Variants in DACH2 observed in about 807,000 individuals in gnomAD.
The protein encoded by DACH2 is dachshund family transcription factor 2.
DACH2 carries 17 observed loss-of-function variants against 35.8 expected under a neutral mutation model. The ratio of observed to expected loss-of-function variants is 0.48; its 90% CI spans 0.33 to 0.71. DACH2 has a LOEUF of 0.71. Among genes scored for constraint, DACH2 ranks in the 30% least tolerant of loss-of-function variants. The pLI is 0.02. For synonymous variants in DACH2, 195 were observed against 177.3 expected (o/e 1.10, Z -0.79); for missense variants, 469 against 472.7 (o/e 0.99, Z 0.07).
chrX:86,354,856 A>T (rs1344596382), intron 1 of DACH2, among the ~76,000 whole-genome samples: 2 of 14,216 alleles, frequency 1.4e-4, no homozygotes, highest in Non-Finnish European at 2.4e-4. Context: ...ATGAAAAAAA[A>T]AAACAAAACA....
At chrX:86,199,247 G>A (rs78544997) in intron 1 of DACH2, among the ~76,000 whole-genome samples, 1 of 111,292 alleles carries the variant, frequency 9.0e-6, no homozygotes, top group Non-Finnish European at 1.9e-5. Context: ...AAAAAACTAG[G>A]TATTGAAGGA....
chrX:86,739,511 A>T (rs1049686387), intron 6 of DACH2, among the ~76,000 whole-genome samples: 23 of 111,793 alleles, frequency 2.1e-4, no homozygotes, highest in Non-Finnish European at 4.1e-4. Flanking sequence ...ACTTTTCTTG[A>T]CCCTTTACTA....
chrX:86,480,090 G>C (rs969198543), intron 2 of DACH2, among the ~76,000 whole-genome samples: 4 of 111,939 alleles, frequency 3.6e-5, no homozygotes, highest in African/African-American at 1.3e-4. Context: ...GGTCTTCATA[G>C]TCTGGGCTTG....
intron 7 of DACH2, among the ~76,000 whole-genome samples, chrX:86,777,693 A>G (rs1297644069): frequency 1.8e-5 from 2 of 111,579 alleles, no homozygotes; most frequent in East Asian, 5.6e-4. Context: ...CTCTCTAAAT[A>G]AAAATGTTAT....
chrX:86,761,723 T>A (rs1329296226), intron 7 of DACH2, among the ~76,000 whole-genome samples: 1 of 110,551 alleles, frequency 9.0e-6, no homozygotes. Flanking sequence ...TGGCTTGGGG[T>A]GTGGTTGTTA....
chrX:86,349,948 T>C (rs955451759), intron 1 of DACH2, among the ~76,000 whole-genome samples: 32 of 111,765 alleles, frequency 2.9e-4, no homozygotes, highest in Non-Finnish European at 5.6e-4. Context: ...GGCTGATCAC[T>C]TGAGGTCAGG....
At chrX:86,249,843 C>G (rs959727486) in intron 1 of DACH2, among the ~76,000 whole-genome samples, 1 of 111,681 alleles carries the variant, frequency 9.0e-6, no homozygotes, top group African/African-American at 3.2e-5. Flanking sequence ...AAATATGATA[C>G]ATATACACCA....
intron 1 of DACH2, among the ~76,000 whole-genome samples, chrX:86,215,795 C>T (rs2032557492): frequency 8.9e-6 from 1 of 111,812 alleles, no homozygotes; most frequent in Non-Finnish European, 1.9e-5. Flanking sequence ...TACAGAATTA[C>T]CCAAATTTCT....
intron 11 of DACH2, chrX:86,830,328 C>T (rs1430922373): frequency 8.9e-6 from 1 of 111,896 alleles, no homozygotes; most frequent in African/African-American, 3.2e-5. Flanking sequence ...ATACAACATG[C>T]TACACAGGGG....
chrX:86,464,551 G>A (rs896844895), intron 2 of DACH2, among the ~76,000 whole-genome samples: 6 of 111,082 alleles, frequency 5.4e-5, no homozygotes, highest in Admixed American at 4.8e-4. Flanking sequence ...AAAAGCATTA[G>A]TACAAATACC....
At chrX:86,347,904 A>C (rs1326968561) in intron 1 of DACH2, among the ~76,000 whole-genome samples, 1 of 111,872 alleles carries the variant, frequency 8.9e-6, no homozygotes. Flanking sequence ...ATCATTTATA[A>C]ACTTTCTGTT....
intron 4 of DACH2, among the ~76,000 whole-genome samples, chrX:86,692,778 T>C (rs2041024838): frequency 8.9e-6 from 1 of 111,908 alleles, no homozygotes; most frequent in South Asian, 3.7e-4. Flanking sequence ...AGGTAATTCA[T>C]ATCTTGAACA....
chrX:86,576,906 C>A (rs1353431495), intron 3 of DACH2, among the ~76,000 whole-genome samples: 1 of 111,218 alleles, frequency 9.0e-6, no homozygotes, highest in Non-Finnish European at 1.9e-5. Flanking sequence ...CTGCCTTTTG[C>A]CTTCTGCTCT....
chrX:86,275,851 CA>C, intron 1 of DACH2, among the ~76,000 whole-genome samples: 1 of 111,943 alleles, frequency 8.9e-6, no homozygotes. Flanking sequence ...TAATGATCTC[CA>C]GTTTTACCCA....
At chrX:86,732,593 C>T (rs183301160) in intron 6 of DACH2, among the ~76,000 whole-genome samples, 1 of 111,755 alleles carries the variant, frequency 8.9e-6, no homozygotes, top group African/African-American at 3.2e-5. Context: ...ATTAACTTGC[C>T]TGTGTCTCAG....
intron 7 of DACH2, among the ~76,000 whole-genome samples, chrX:86,780,474 C>T (rs971574186): frequency 8.9e-6 from 1 of 111,743 alleles, no homozygotes; most frequent in Non-Finnish European, 1.9e-5. Context: ...TGCAAAATAG[C>T]CGTTTTAAGA....
chrX:86,543,234 A>T (rs1222946205), intron 3 of DACH2, among the ~76,000 whole-genome samples: 3 of 111,275 alleles, frequency 2.7e-5, no homozygotes, highest in Non-Finnish European at 5.7e-5. Flanking sequence ...CCCCCCACTG[A>T]CTCCTAGGGA....
intron 1 of DACH2, among the ~76,000 whole-genome samples, chrX:86,218,188 TG>T (rs759000728): frequency 5.3e-4 from 59 of 111,932 alleles, no homozygotes; most frequent in Non-Finnish European, 2.6e-4. Flanking sequence ...TATGTTAGTG[TG>T]TAAAGCAAAG....
At chrX:86,418,197 G>T (rs918371406) in intron 2 of DACH2, among the ~76,000 whole-genome samples, 4 of 111,650 alleles carry the variant, frequency 3.6e-5, no homozygotes. Flanking sequence ...GAGTGTCTGG[G>T]GATTTTCCAG....
Sources: allele counts gnomAD v4.1 joint callset (sites outside exome capture counted in the v4.1 genomes callset), GRCh38; gene constraint gnomAD v4.1.1; transcripts MANE v1.5; gene names NCBI Gene and HGNC (gene_info 2026-07-23, HGNC 2026-07-21).